Variants in ZEB1 observed in about 807,000 individuals in gnomAD.
ZEB1 encodes zinc finger E-box binding homeobox 1, also known as zinc finger E-box-binding homeobox 1.
A neutral mutation model predicts 84.9 loss-of-function variants in ZEB1; 21 were observed. The ratio of observed to expected loss-of-function variants is 0.25; its 90% CI spans 0.18 to 0.36. The LOEUF (loss-of-function observed/expected upper bound fraction) is 0.36. Among genes scored for constraint, ZEB1 ranks in the 10% least tolerant of loss-of-function variants. The probability of loss-of-function intolerance (pLI) is 1.00; values close to 1 mark genes in which losing one functional copy is unlikely to be tolerated. For synonymous variants in ZEB1, 420 were observed against 471.1 expected (o/e 0.89, Z 1.41); for missense variants, 1,104 against 1,330.2 (o/e 0.83, Z 2.65).
intron 1 of ZEB1, among the ~76,000 whole-genome samples, chr10:31,368,361 C>T (rs1372110502): frequency 1.3e-5 from 2 of 148,836 alleles, no homozygotes; most frequent in Non-Finnish European, 3.0e-5. Context: ...TTCATTGTGT[C>T]GCCCAGGCTG....
At chr10:31,340,590 A>G (rs1360492616) in intron 1 of ZEB1, among the ~76,000 whole-genome samples, 1 of 152,144 alleles carries the variant, frequency 6.6e-6, no homozygotes. Context: ...ATGTTTGCCT[A>G]CCATGTTCTA....
chr10:31,421,382 T>C (rs1177070076), intron 1 of ZEB1, among the ~76,000 whole-genome samples: 1 of 152,134 alleles, frequency 6.6e-6, no homozygotes, highest in Non-Finnish European at 1.5e-5. Flanking sequence ...TCAAGTTATA[T>C]TGATAAAACA....
At chr10:31,422,221 A>G (rs1019624091) in intron 1 of ZEB1, among the ~76,000 whole-genome samples, 1 of 152,180 alleles carries the variant, frequency 6.6e-6, no homozygotes, top group African/African-American at 2.4e-5. Context: ...GGAAAAGCAA[A>G]GTGCTTGGCA....
rs1241061378 is a variant in ZEB1, at chr10:31,527,292, T to C, written c.*28T>C. The C allele has an allele frequency of 6.4e-7, 1 of 1,574,538 alleles. No homozygotes were observed. Among genetic ancestry groups the C allele is most frequent in the Non-Finnish European group, 8.6e-7 (1 of 1,163,858 alleles). On this transcript the variant is annotated 3_prime_UTR_variant, in exon 9 of 9. Coordinates refer to ENST00000424869, the MANE Select transcript of ZEB1 (RefSeq NM_001174096.2). ...GTTTTTCTAGAAGGAAAATAAATTCTAATTGATAATGAATTTCGTTCAATA... is the reference window on the plus strand; with the variant it reads ...GTTTTTCTAGAAGGAAAATAAATTCCAATTGATAATGAATTTCGTTCAATA...
chr10:31,358,957 T>A (rs2134025375), intron 1 of ZEB1, among the ~76,000 whole-genome samples: 1 of 152,350 alleles, frequency 6.6e-6, no homozygotes, highest in East Asian at 1.9e-4. Context: ...CTCTTTGAAC[T>A]AAACTTTATT....
chr10:31,522,546 C>T (rs2072634663), intron 7 of ZEB1, among the ~76,000 whole-genome samples: 1 of 152,120 alleles, frequency 6.6e-6, no homozygotes, highest in Admixed American at 6.5e-5. Flanking sequence ...GCATTTTCCT[C>T]CTTAACTATC....
At chr10:31,482,642 T>C (rs576554624) in intron 2 of ZEB1, among the ~76,000 whole-genome samples, 28 of 152,154 alleles carry the variant, frequency 1.8e-4, no homozygotes, top group Non-Finnish European at 2.9e-5. Context: ...AGAATGTTGA[T>C]TTTTTACAGC....
chr10:31,501,822 G>A (rs898754334), intron 3 of ZEB1, among the ~76,000 whole-genome samples: 1 of 152,058 alleles, frequency 6.6e-6, no homozygotes, highest in South Asian at 2.1e-4. Flanking sequence ...ATGTGAATGT[G>A]GTCTCCCTCG....
intron 1 of ZEB1, among the ~76,000 whole-genome samples, chr10:31,440,537 T>C (rs187999916): frequency 2.0e-5 from 3 of 152,150 alleles, no homozygotes; most frequent in East Asian, 1.9e-4. Context: ...ATTCAACATA[T>C]TGTTGGAAAT....
chr10:31,406,946 G>A (rs1220760960), intron 1 of ZEB1, among the ~76,000 whole-genome samples: 1 of 152,108 alleles, frequency 6.6e-6, no homozygotes, highest in South Asian at 2.1e-4. Context: ...TTATTAAATA[G>A]GGAATCCTTT....
intron 4 of ZEB1, among the ~76,000 whole-genome samples, chr10:31,506,446 A>C (rs1002712395): frequency 1.3e-5 from 2 of 152,056 alleles, no homozygotes; most frequent in Non-Finnish European, 2.9e-5. Flanking sequence ...CAGGTACTCC[A>C]GTCTTGGGTA....
chr10:31,453,909 T>C (rs2060891764), intron 1 of ZEB1, among the ~76,000 whole-genome samples: 1 of 152,192 alleles, frequency 6.6e-6, no homozygotes, highest in Admixed American at 6.5e-5. Context: ...ACTCATTTTA[T>C]GAGGCCAGCA....
At chr10:31,452,969 ATG>A (rs1214789169) in intron 1 of ZEB1, among the ~76,000 whole-genome samples, 1 of 152,102 alleles carries the variant, frequency 6.6e-6, no homozygotes, top group African/African-American at 2.4e-5. Flanking sequence ...CTCAAAGTGT[ATG>A]TATTTTTCTA....
chr10:31,470,783 G>T lies in ZEB1; in HGVS notation c.259+9546G>T, dbSNP rs1339511732. Among the ~76,000 whole-genome samples the T allele has an allele frequency of 6.4e-3, 866 of 135,792 alleles. 2 individuals carry two copies. Among genetic ancestry groups the T allele is most frequent in the African/African-American group, 0.022 (781 of 34,752 alleles). The allele number at this position is 135,792 out of a possible 152,430, so 89.1% of individuals were successfully genotyped here. The stretch of plus-strand genomic sequence containing the variant: ...TTGTCAGATTCACCAAAGTTGAAAT[G>T]AAGGAAAAAATGTTAAGGGCAGCCA... On this transcript the variant is annotated intron_variant, in intron 2 of 8. Transcript: ENST00000424869.
At chr10:31,425,883 G>GT (rs1460495821) in intron 1 of ZEB1, among the ~76,000 whole-genome samples, 1 of 152,120 alleles carries the variant, frequency 6.6e-6, no homozygotes, top group Non-Finnish European at 1.5e-5. Context: ...TGGTATAATT[G>GT]TTTGAAAGTA....
intron 7 of ZEB1, among the ~76,000 whole-genome samples, chr10:31,523,218 C>T (rs1592112292): frequency 6.6e-6 from 1 of 152,368 alleles, no homozygotes; most frequent in Admixed American, 6.5e-5. Context: ...CCACAACAGG[C>T]TCCCTGCAGG....
At chr10:31,479,882 C>T (rs1366381983) in intron 2 of ZEB1, among the ~76,000 whole-genome samples, 1 of 151,884 alleles carries the variant, frequency 6.6e-6, no homozygotes, top group Non-Finnish European at 1.5e-5. Context: ...ACTTAAAATA[C>T]TATCAACTTT....
intron 1 of ZEB1, among the ~76,000 whole-genome samples, chr10:31,426,834 G>A (rs892977067): frequency 2.0e-5 from 3 of 152,038 alleles, no homozygotes; most frequent in African/African-American, 7.2e-5. Context: ...GCTTTGGATG[G>A]TACTCCCATT....
intron 1 of ZEB1, among the ~76,000 whole-genome samples, chr10:31,404,765 G>A (rs1346753236): frequency 6.6e-6 from 1 of 152,056 alleles, no homozygotes; most frequent in African/African-American, 2.4e-5. Flanking sequence ...GAAGATAGTA[G>A]CATGCTTAGA....
Sources: gnomAD v4.1 joint callset for allele counts (sites outside exome capture counted in the v4.1 genomes callset) on GRCh38, gnomAD v4.1.1 for gene constraint, MANE v1.5 for transcripts, NCBI Gene and HGNC (gene_info 2026-07-23, HGNC 2026-07-21) for gene names.